The following PITPNB variants were observed in gnomAD, a reference collection of about 807,000 sequenced individuals.
PITPNB encodes phosphatidylinositol transfer protein beta, also known as phosphatidylinositol transfer protein beta isoform.
In PITPNB, 16 loss-of-function variants were observed where a neutral mutation model predicts 45.9. The observed-to-expected ratio is 0.35, with a 90% CI of 0.24 to 0.53. The LOEUF (loss-of-function observed/expected upper bound fraction) is 0.53. Ranked by LOEUF, PITPNB falls within the 20% of genes least tolerant of loss-of-function variation. PITPNB has a pLI of 0.93. For synonymous variants in PITPNB, 112 were observed against 108.9 expected (o/e 1.03, Z -0.18); for missense variants, 188 against 330.5 (o/e 0.57, Z 3.34).
At chr22:27,858,351 A>G in intron 10 of PITPNB, 36 bp downstream of exon 10, 1 of 1,551,982 alleles carries the variant, frequency 6.4e-7, no homozygotes, top group African/African-American at 1.4e-5. Flanking sequence ...TAGAAAAGGG[A>G]AAATTAGAGA....
chr22:27,858,615 T>C, intron 9 of PITPNB, 106 bp from the exon 10 acceptor site: 1 of 797,978 alleles, frequency 1.3e-6, no homozygotes, highest in Middle Eastern at 3.6e-4. Context: ...ACACATTTGG[T>C]TCAAAAAGAC....
At chr22:27,877,818 T>G (rs1934862969) in intron 7 of PITPNB, among the ~76,000 whole-genome samples, 5 of 152,032 alleles carry the variant, frequency 3.3e-5, no homozygotes, top group Admixed American at 3.3e-4. Flanking sequence ...TGAGATGAGC[T>G]CCAGACACCA....
intron 8 of PITPNB, among the ~76,000 whole-genome samples, chr22:27,870,116 G>A (rs1934608734): frequency 6.6e-6 from 1 of 152,176 alleles, no homozygotes; most frequent in Non-Finnish European, 1.5e-5. Context: ...ACACACTGCT[G>A]TAACTACCAC....
At chr22:27,873,038 C>T (rs528192458) in intron 8 of PITPNB, among the ~76,000 whole-genome samples, 2 of 152,300 alleles carry the variant, frequency 1.3e-5, no homozygotes, top group East Asian at 3.9e-4. Context: ...GAGGCCAGGG[C>T]GGGTGGATCA....
At chr22:27,896,114 C>T (rs1935423924) in intron 6 of PITPNB, among the ~76,000 whole-genome samples, 1 of 152,202 alleles carries the variant, frequency 6.6e-6, no homozygotes, top group Non-Finnish European at 1.5e-5. Context: ...AGTACTTTAT[C>T]CCTCCTGCCT....
At chr22:27,882,325 T>A (rs1934996780) in intron 7 of PITPNB, among the ~76,000 whole-genome samples, 1 of 152,200 alleles carries the variant, frequency 6.6e-6, no homozygotes, top group Non-Finnish European at 1.5e-5. Context: ...TGGAATGGTA[T>A]GTTCGAAATG....
rs561653860 is a variant in PITPNB, at chr22:27,888,619, T to C, written c.456+5936A>G. Reference sequence around the variant, plus strand: ...GCCTACTCTGTAAAAAGGGAACAGGTTGCTAAACAAAGAGAACAAAACACA... The same window carrying C: ...GCCTACTCTGTAAAAAGGGAACAGGCTGCTAAACAAAGAGAACAAAACACA... On this transcript the variant is annotated intron_variant, in intron 7 of 11. Transcript: ENST00000335272. Among the ~76,000 whole-genome samples the C allele has an allele frequency of 5.9e-5, 9 of 152,240 alleles. No homozygotes were observed. In the East Asian group the frequency reaches 1.7e-3, roughly 29 times the overall value.
At chr22:27,856,053 G>A (rs1233911078) in intron 10 of PITPNB, among the ~76,000 whole-genome samples, 3 of 152,276 alleles carry the variant, frequency 2.0e-5, no homozygotes, top group Middle Eastern at 3.4e-3. Flanking sequence ...GATTCTGTGT[G>A]TGGAACCAAG....
chr22:27,905,183 CTT>C, intron 3 of PITPNB, among the ~76,000 whole-genome samples: 1 of 152,182 alleles, frequency 6.6e-6, no homozygotes. Context: ...GAGTCTCACT[CTT>C]GTCTCCCAGG....
intron 3 of PITPNB, among the ~76,000 whole-genome samples, chr22:27,908,267 T>TCCCAC (rs1935820851): frequency 6.8e-6 from 1 of 146,654 alleles, no homozygotes; most frequent in African/African-American, 2.5e-5. Flanking sequence ...AGTGGGATTT[T>TCCCAC]TTAAATCACC....
At chr22:27,895,435 CAA>C (rs1370220183) in intron 6 of PITPNB, among the ~76,000 whole-genome samples, 1 of 151,840 alleles carries the variant, frequency 6.6e-6, no homozygotes, top group Non-Finnish European at 1.5e-5. Flanking sequence ...ACTGAAAATA[CAA>C]AAGTTAGCCA....
At chr22:27,888,733 C>T (rs757553743) in intron 7 of PITPNB, among the ~76,000 whole-genome samples, 4 of 152,142 alleles carry the variant, frequency 2.6e-5, no homozygotes, top group African/African-American at 7.2e-5. Context: ...AGGCAAGCTC[C>T]GACCTACCTA....
At chr22:27,901,785 G>A (rs1935601972) in intron 3 of PITPNB, among the ~76,000 whole-genome samples, 1 of 152,142 alleles carries the variant, frequency 6.6e-6, no homozygotes, top group African/African-American at 2.4e-5. Context: ...TTGGGAGGCT[G>A]AGGCAGGAGA....
At chr22:27,883,404 A>G (rs1935029296) in intron 7 of PITPNB, among the ~76,000 whole-genome samples, 1 of 152,230 alleles carries the variant, frequency 6.6e-6, no homozygotes, top group Non-Finnish European at 1.5e-5. Flanking sequence ...ATGGCCTCCA[A>G]CTGAGATTCC....
chr22:27,875,866 C>A (rs1569013473), intron 7 of PITPNB, among the ~76,000 whole-genome samples: 1 of 152,174 alleles, frequency 6.6e-6, no homozygotes, highest in African/African-American at 2.4e-5. Context: ...AAGCAAAGAA[C>A]AGGTAACTCA....
chr22:27,890,694 G>A (rs1356460694), intron 7 of PITPNB, among the ~76,000 whole-genome samples: 1 of 152,128 alleles, frequency 6.6e-6, no homozygotes, highest in Non-Finnish European at 1.5e-5. Context: ...GGCACCTGTA[G>A]TCCCAGCTAC....
intron 3 of PITPNB, among the ~76,000 whole-genome samples, chr22:27,899,892 C>T (rs1164577226): frequency 6.6e-6 from 1 of 152,096 alleles, no homozygotes; most frequent in African/African-American, 2.4e-5. Context: ...ATCAATGGTT[C>T]AGCTGGTCAA....
chr22:27,890,769 G>A (rs1309543083), intron 7 of PITPNB, among the ~76,000 whole-genome samples: 4 of 152,242 alleles, frequency 2.6e-5, no homozygotes, highest in South Asian at 2.1e-4. Context: ...AGCCGAGATC[G>A]CGCCACTGCA....
At chr22:27,860,329 C>A (rs1934288619) in intron 8 of PITPNB, 88 bp from the exon 9 acceptor site, 1 of 710,852 alleles carries the variant, frequency 1.4e-6, no homozygotes, top group South Asian at 2.0e-5. Flanking sequence ...ACATCATAGA[C>A]ATACATGAAG....
Sources: gnomAD v4.1 joint callset for allele counts (sites outside exome capture counted in the v4.1 genomes callset) on GRCh38, gnomAD v4.1.1 for gene constraint, MANE v1.5 for transcripts, NCBI Gene and HGNC (gene_info 2026-07-23, HGNC 2026-07-21) for gene names.